Variants in KHDRBS2 observed in about 807,000 individuals in gnomAD.
KHDRBS2 encodes the protein KH domain-containing, RNA-binding, signal transduction-associated protein 2.
A neutral mutation model predicts 44.3 loss-of-function variants in KHDRBS2; 26 were observed. That is an observed-to-expected ratio of 0.59 (90% CI 0.43 to 0.81). The LOEUF (loss-of-function observed/expected upper bound fraction) is 0.81. KHDRBS2 is among the 40% of genes least tolerant of loss of function. The probability of loss-of-function intolerance (pLI) is 0.00; values close to 1 mark genes in which losing one functional copy is unlikely to be tolerated. For synonymous variants in KHDRBS2, 194 were observed against 151.1 expected (o/e 1.28, Z -2.08); for missense variants, 476 against 433.1 (o/e 1.10, Z -0.88).
the KHDRBS2 span, among the ~76,000 whole-genome samples, chr6:61,662,147 A>G: frequency 6.6e-6 from 1 of 152,066 alleles, no homozygotes; most frequent in Non-Finnish European, 1.5e-5. Flanking sequence ...AGCAATGGGG[A>G]AAGGATTCCC....
intron 6 of KHDRBS2, among the ~76,000 whole-genome samples, chr6:61,869,309 G>A (rs79807983): frequency 0.021 from 3,221 of 152,178 alleles, 111 homozygotes; most frequent in African/African-American, 0.073. Context: ...TTTCTTAATA[G>A]CAATGTTAGA....
the KHDRBS2 span, among the ~76,000 whole-genome samples, chr6:61,601,943 T>G: frequency 1.3e-5 from 2 of 152,266 alleles, no homozygotes; most frequent in South Asian, 4.2e-4. Context: ...AATGCTCCTT[T>G]TTCTTTATCC....
At chr6:61,905,756 T>G (rs1187376363) in intron 4 of KHDRBS2, among the ~76,000 whole-genome samples, 1 of 152,120 alleles carries the variant, frequency 6.6e-6, no homozygotes, top group Non-Finnish European at 1.5e-5. Context: ...TTTTAATAAA[T>G]TCTGGTTTTC....
intron 3 of KHDRBS2, among the ~76,000 whole-genome samples, chr6:62,005,802 T>C (rs1278083035): frequency 6.6e-6 from 1 of 151,756 alleles, no homozygotes; most frequent in Non-Finnish European, 1.5e-5. Context: ...AAAGCAGATA[T>C]CAAAACCACT....
At chr6:61,579,435 A>G in the KHDRBS2 span, among the ~76,000 whole-genome samples, 3 of 152,058 alleles carry the variant, frequency 2.0e-5, no homozygotes, top group East Asian at 1.9e-4. Context: ...CTGACCTCAC[A>G]CTTCTCATTT....
chr6:61,548,621 C>T, the KHDRBS2 span, among the ~76,000 whole-genome samples: 2 of 152,002 alleles, frequency 1.3e-5, no homozygotes, highest in Admixed American at 1.3e-4. Flanking sequence ...ACTTCAAAAG[C>T]AAATAATATT....
chr6:61,615,233 C>CAAAAAAAAAAAAAAAAAAA, the KHDRBS2 span, among the ~76,000 whole-genome samples: 6 of 58,586 alleles, frequency 1.0e-4, no homozygotes, highest in African/African-American at 1.3e-4. Flanking sequence ...ACTCCATCTC[C>CAAAAAAAAAAAAAAAAAAA]AAAAAAAAAA....
intron 4 of KHDRBS2, among the ~76,000 whole-genome samples, chr6:61,938,401 T>C (rs1240111415): frequency 6.6e-6 from 1 of 152,156 alleles, no homozygotes; most frequent in South Asian, 2.1e-4. Flanking sequence ...AAGATGAGGA[T>C]GAGCAAAGTA....
intron 2 of KHDRBS2, among the ~76,000 whole-genome samples, chr6:62,100,269 T>C (rs187624532): frequency 6.6e-6 from 1 of 152,336 alleles, no homozygotes; most frequent in African/African-American, 2.4e-5. Context: ...CTTAAATGGA[T>C]GAGGAATTGC....
intron 4 of KHDRBS2, among the ~76,000 whole-genome samples, chr6:61,947,640 G>C (rs371933397): frequency 1.3e-5 from 2 of 151,834 alleles, no homozygotes; most frequent in East Asian, 1.9e-4. Flanking sequence ...AATAAACTTA[G>C]TGGGTTTTGA....
intron 8 of KHDRBS2, among the ~76,000 whole-genome samples, chr6:61,695,828 CTCT>C (rs1480029274): frequency 1.3e-5 from 2 of 152,038 alleles, no homozygotes; most frequent in Non-Finnish European, 2.9e-5. Flanking sequence ...AAGGAAGATA[CTCT>C]TCTTCCTTTC....
intron 1 of KHDRBS2, among the ~76,000 whole-genome samples, chr6:62,183,618 G>C (rs1226331500): frequency 1.3e-5 from 2 of 151,536 alleles, no homozygotes; most frequent in Non-Finnish European, 3.0e-5. Context: ...TAATTATCGA[G>C]AAGACTTCAA....
intron 6 of KHDRBS2, among the ~76,000 whole-genome samples, chr6:61,742,068 T>A (rs1317952303): frequency 6.6e-6 from 1 of 151,980 alleles, no homozygotes; most frequent in African/African-American, 2.4e-5. Context: ...CATTAAATAT[T>A]CTATAATTAA....
intron 2 of KHDRBS2, among the ~76,000 whole-genome samples, chr6:62,102,039 T>G (rs1802018039): frequency 6.6e-6 from 1 of 152,210 alleles, no homozygotes; most frequent in Admixed American, 6.5e-5. Context: ...TATGTCATTG[T>G]TTCAGGTAAT....
intron 2 of KHDRBS2, among the ~76,000 whole-genome samples, chr6:62,128,575 T>C (rs1455360470): frequency 6.6e-6 from 1 of 151,786 alleles, no homozygotes; most frequent in Non-Finnish European, 1.5e-5. Flanking sequence ...TCTCTCTTCC[T>C]TGAATATTCT....
chr6:61,589,844 A>G, the KHDRBS2 span, among the ~76,000 whole-genome samples: 1 of 152,180 alleles, frequency 6.6e-6, no homozygotes, highest in Admixed American at 6.5e-5. Context: ...ACTATAAATA[A>G]TCTCTCCCAC....
chr6:61,710,456 T>C (rs1302657727), intron 7 of KHDRBS2, among the ~76,000 whole-genome samples: 1 of 151,694 alleles, frequency 6.6e-6, no homozygotes, highest in Non-Finnish European at 1.5e-5. Flanking sequence ...TTCCTTAGCA[T>C]TGAGCACAAG....
the KHDRBS2 span, among the ~76,000 whole-genome samples, chr6:61,641,914 A>G: frequency 6.6e-6 from 1 of 152,212 alleles, no homozygotes; most frequent in African/African-American, 2.4e-5. Context: ...AGTGCTGGAA[A>G]TTGGATTAAG....
chr6:62,046,915 G>A (rs1787825637), intron 3 of KHDRBS2, among the ~76,000 whole-genome samples: 1 of 151,734 alleles, frequency 6.6e-6, no homozygotes, highest in South Asian at 2.1e-4. Flanking sequence ...GCACCCAAAT[G>A]GAGAGTTTTG....
Sources: allele counts gnomAD v4.1 joint callset (sites outside exome capture counted in the v4.1 genomes callset), GRCh38; gene constraint gnomAD v4.1.1; transcripts MANE v1.5; gene names NCBI Gene and HGNC (gene_info 2026-07-23, HGNC 2026-07-21).